The following VKORC1L1 variants were observed in gnomAD, a reference collection of about 807,000 sequenced individuals.
VKORC1L1 encodes the protein vitamin K epoxide reductase complex subunit 1L1.
In VKORC1L1, 2 loss-of-function variants were observed where a neutral mutation model predicts 18.9. That is an observed-to-expected ratio of 0.11 (90% confidence interval 0.04 to 0.33). The LOEUF (loss-of-function observed/expected upper bound fraction) is 0.33. Among genes scored for constraint, VKORC1L1 ranks in the 10% least tolerant of loss-of-function variants. The pLI is 1.00. For synonymous variants in VKORC1L1, 96 were observed against 100.0 expected, an observed-to-expected ratio of 0.96 and a Z score of 0.24; for missense variants, 123 against 224.1, an observed-to-expected ratio of 0.55 and a Z score of 2.88.
chr7:65,880,495 C>T (rs1788909660), intron 1 of VKORC1L1, among the ~76,000 whole-genome samples: 1 of 151,604 alleles, frequency 6.6e-6, no homozygotes, highest in Non-Finnish European at 1.5e-5. Flanking sequence ...GAAAGGGGTT[C>T]TGGGCACATG....
chr7:65,922,013 A>G (rs183587374), intron 1 of VKORC1L1, among the ~76,000 whole-genome samples: 44 of 152,232 alleles, frequency 2.9e-4, no homozygotes, highest in Non-Finnish European at 5.4e-4. Flanking sequence ...AGGTTATACC[A>G]TGCATCCTTG....
chr7:65,920,322 C>T (rs1789654503), intron 1 of VKORC1L1, among the ~76,000 whole-genome samples: 1 of 152,030 alleles, frequency 6.6e-6, no homozygotes, highest in Non-Finnish European at 1.5e-5. Context: ...TATTGTGTTC[C>T]CATCACCTGA....
chr7:65,942,350 G>A (rs116556990), intron 1 of VKORC1L1, among the ~76,000 whole-genome samples: 10,755 of 151,498 alleles, frequency 0.071, 1,257 homozygotes, highest in African/African-American at 0.24. Context: ...AAACTAGCCT[G>A]ACATGGTGGC....
intron 1 of VKORC1L1, among the ~76,000 whole-genome samples, chr7:65,893,629 G>A (rs1231851460): frequency 6.6e-6 from 1 of 152,120 alleles, no homozygotes; most frequent in Non-Finnish European, 1.5e-5. Flanking sequence ...ACTCCAGCCT[G>A]GGTGACAGAG....
At chr7:65,951,046 G>A (rs1583869705) in intron 2 of VKORC1L1, among the ~76,000 whole-genome samples, 1 of 152,284 alleles carries the variant, frequency 6.6e-6, no homozygotes, top group African/African-American at 2.4e-5. Flanking sequence ...TTAATTTAAT[G>A]CCATGGTATA....
intron 1 of VKORC1L1, among the ~76,000 whole-genome samples, chr7:65,903,360 T>A (rs1169610319): frequency 6.6e-6 from 1 of 151,564 alleles, no homozygotes; most frequent in Non-Finnish European, 1.5e-5. Flanking sequence ...AGAGACAAGG[T>A]TTCACCATGT....
Position 65,933,077 on chromosome 7 carries a change from CAAAAAAAAA to C in VKORC1L1, c.195-15579_195-15571del, listed in dbSNP as rs59403784. ...TGGGCAACAGAATAAGACTTCGTCT[CAAAAAAAAA>C]AAAAAAAAAAAAAAGTGTGTCGGCT... On this transcript the variant is annotated intron_variant, in intron 1 of 2. Coordinates refer to ENST00000360768, the MANE Select transcript of VKORC1L1 (RefSeq NM_173517.6). 3.5e-4 allele frequency among the ~76,000 whole-genome samples: 23 copies of C among 65,346 alleles called. 1 individual carries two copies. Among genetic ancestry groups the C allele is most frequent in the Admixed American group, 2.3e-3 (14 of 5,958 alleles). The allele number at this position is 65,346 out of a possible 152,430, so 42.9% of individuals were successfully genotyped here. A position where few individuals can be genotyped will look rare whatever the true frequency, so the allele number is the denominator to read the frequency against.
At chr7:65,926,546 T>A (rs1374592628) in intron 1 of VKORC1L1, among the ~76,000 whole-genome samples, 1 of 152,186 alleles carries the variant, frequency 6.6e-6, no homozygotes, top group Non-Finnish European at 1.5e-5. Flanking sequence ...TGGAGATTTC[T>A]TAAAGAACTA....
chr7:65,929,367 G>A (rs1047389612), intron 1 of VKORC1L1, among the ~76,000 whole-genome samples: 20 of 152,154 alleles, frequency 1.3e-4, no homozygotes, highest in Admixed American at 2.6e-4. Flanking sequence ...AGCCGAGATC[G>A]CGCCACTGCA....
At chr7:65,941,608 A>T (rs975345975) in intron 1 of VKORC1L1, among the ~76,000 whole-genome samples, 1 of 151,086 alleles carries the variant, frequency 6.6e-6, no homozygotes, top group Non-Finnish European at 1.5e-5. Flanking sequence ...GAGGAAGGGT[A>T]ACTGGAAGAA....
intron 1 of VKORC1L1, among the ~76,000 whole-genome samples, chr7:65,891,898 T>C (rs1167801442): frequency 6.6e-6 from 1 of 152,204 alleles, no homozygotes; most frequent in Non-Finnish European, 1.5e-5. Context: ...AACACTAGAC[T>C]TACTCATTCT....
At chr7:65,901,701 G>A (rs1409671510) in intron 1 of VKORC1L1, among the ~76,000 whole-genome samples, 1 of 152,136 alleles carries the variant, frequency 6.6e-6, no homozygotes, top group African/African-American at 2.4e-5. Context: ...ATCATTCGTG[G>A]GGCAGAGTAC....
intron 2 of VKORC1L1, among the ~76,000 whole-genome samples, chr7:65,949,435 C>T (rs992311913): frequency 6.6e-6 from 1 of 151,886 alleles, no homozygotes; most frequent in Non-Finnish European, 1.5e-5. Flanking sequence ...GCTGAGATCG[C>T]GCCATTGCAC....
chr7:65,884,830 G>T (rs1047895589), intron 1 of VKORC1L1, among the ~76,000 whole-genome samples: 2 of 152,140 alleles, frequency 1.3e-5, no homozygotes, highest in African/African-American at 4.8e-5. Flanking sequence ...AGATTTAATG[G>T]TTTCACATTT....
chr7:65,901,055 G>A lies in VKORC1L1; in HGVS notation c.194+27490G>A, dbSNP rs1789306598. On this transcript the variant is annotated intron_variant, in intron 1 of 2. Transcript: ENST00000360768. The stretch of plus-strand genomic sequence containing the variant: ...TTGGAAACTTGCCTAGAACTTTCAA[G>A]ATTCAAGAATCAGAAATGATAATCA... Among the ~76,000 whole-genome samples, 3 of 152,104 alleles carry A rather than the reference G, an allele frequency of 2.0e-5. No individual in the cohort carries two copies. The South Asian group carries it at 6.2e-4, about 31-fold the overall frequency.
At chr7:65,945,271 A>C (rs1162215320) in intron 1 of VKORC1L1, among the ~76,000 whole-genome samples, 1 of 151,732 alleles carries the variant, frequency 6.6e-6, no homozygotes, top group Non-Finnish European at 1.5e-5. Flanking sequence ...AAAGAAAAAA[A>C]AAAATAGCAA....
At chr7:65,917,752 A>G (rs1286389595) in intron 1 of VKORC1L1, among the ~76,000 whole-genome samples, 1 of 152,242 alleles carries the variant, frequency 6.6e-6, no homozygotes, top group Non-Finnish European at 1.5e-5. Context: ...TAGCATGCAT[A>G]TCATTAGTTC....
At chr7:65,878,123 C>T (rs1013962582) in intron 1 of VKORC1L1, among the ~76,000 whole-genome samples, 8 of 152,110 alleles carry the variant, frequency 5.3e-5, no homozygotes, top group African/African-American at 1.9e-4. Context: ...TTTACTACCC[C>T]ATTGAGATAA....
chr7:65,949,208 G>A (rs1404523005), intron 2 of VKORC1L1, among the ~76,000 whole-genome samples: 7 of 152,014 alleles, frequency 4.6e-5, no homozygotes, highest in African/African-American at 1.7e-4. Context: ...GGCTGGGTGC[G>A]GTGGTGCACA....
Sources: allele counts gnomAD v4.1 joint callset (sites outside exome capture counted in the v4.1 genomes callset), GRCh38; gene constraint gnomAD v4.1.1; transcripts MANE v1.5; gene names NCBI Gene and HGNC (gene_info 2026-07-23, HGNC 2026-07-21).